Variants in CTNNA2 observed in about 807,000 individuals in gnomAD.
CTNNA2 encodes the protein catenin alpha-2.
A neutral mutation model predicts 101.0 loss-of-function variants in CTNNA2; 42 were observed. That is an observed-to-expected ratio of 0.42 (90% CI 0.32 to 0.54). The LOEUF (loss-of-function observed/expected upper bound fraction) is 0.54. Among genes scored for constraint, CTNNA2 ranks in the 20% least tolerant of loss-of-function variants. The probability of loss-of-function intolerance (pLI) is 0.14; values close to 1 mark genes in which losing one functional copy is unlikely to be tolerated. For synonymous variants in CTNNA2, 450 were observed against 456.4 expected (o/e 0.99, Z 0.18); for missense variants, 871 against 1,223.1 (o/e 0.71, Z 4.29).
chr2:79,229,658 CT>C (rs1246117279), intron 2 of CTNNA2, among the ~76,000 whole-genome samples: 2 of 152,270 alleles, frequency 1.3e-5, no homozygotes, highest in East Asian at 3.9e-4. Flanking sequence ...GTGGAAGCAA[CT>C]TTGGAACTGG....
At chr2:79,912,071 A>G (rs1685840262) in intron 7 of CTNNA2, among the ~76,000 whole-genome samples, 1 of 152,222 alleles carries the variant, frequency 6.6e-6, no homozygotes, top group Non-Finnish European at 1.5e-5. Flanking sequence ...TCTGAGAATA[A>G]AGGTATTATC....
intron 2 of CTNNA2, among the ~76,000 whole-genome samples, chr2:79,207,336 G>A (rs990947824): frequency 6.6e-6 from 1 of 152,112 alleles, no homozygotes; most frequent in African/African-American, 2.4e-5. Context: ...AGTCCAGTAG[G>A]AGACCACCAC....
intron 7 of CTNNA2, among the ~76,000 whole-genome samples, chr2:79,988,557 A>C (rs1420739229): frequency 6.6e-6 from 1 of 152,122 alleles, no homozygotes; most frequent in East Asian, 1.9e-4. Flanking sequence ...TAAGAACTCC[A>C]CATCTATATT....
intron 13 of CTNNA2, chr2:80,579,364 G>A (rs1695335970): frequency 6.6e-6 from 1 of 152,054 alleles, no homozygotes; most frequent in Non-Finnish European, 1.5e-5. Flanking sequence ...TATTTTTGTT[G>A]AATGAGATTT....
intron 2 of CTNNA2, among the ~76,000 whole-genome samples, chr2:79,672,549 G>A (rs540176823): frequency 2.6e-5 from 4 of 152,102 alleles, no homozygotes; most frequent in East Asian, 3.9e-4. Flanking sequence ...CAATTATCCT[G>A]TGGCCTTTTA....
At chr2:79,879,671 A>G (rs1453197466) in intron 6 of CTNNA2, among the ~76,000 whole-genome samples, 5 of 152,150 alleles carry the variant, frequency 3.3e-5, no homozygotes, top group African/African-American at 9.7e-5. Flanking sequence ...TTGATTTTGT[A>G]TCCTGAGACT....
intron 1 of CTNNA2, among the ~76,000 whole-genome samples, chr2:79,646,734 G>T (rs1408372313): frequency 6.6e-6 from 1 of 151,856 alleles, no homozygotes; most frequent in Non-Finnish European, 1.5e-5. Context: ...TCACTATGTT[G>T]TCCAGGCTGG....
chr2:79,470,596 T>TACCAAATACTGGAG (rs1336641759), intron 4 of CTNNA2, among the ~76,000 whole-genome samples: 4 of 152,196 alleles, frequency 2.6e-5, no homozygotes, highest in African/African-American at 9.6e-5. Flanking sequence ...TGGTAATAAT[T>TACCAAATACTGGAG]ACCAAATACT....
intron 2 of CTNNA2, among the ~76,000 whole-genome samples, chr2:79,667,568 T>G (rs1005655963): frequency 6.6e-6 from 1 of 152,232 alleles, no homozygotes; most frequent in Non-Finnish European, 1.5e-5. Context: ...TAACACAATC[T>G]GGTAGGAATG....
chr2:80,075,332 A>T (rs531926216), intron 7 of CTNNA2, among the ~76,000 whole-genome samples: 27 of 152,056 alleles, frequency 1.8e-4, no homozygotes, highest in South Asian at 6.2e-4. Context: ...AGTTAGCTGT[A>T]CCTGAATTCT....
chr2:80,375,163 C>G (rs2149339692), intron 7 of CTNNA2, among the ~76,000 whole-genome samples: 1 of 152,220 alleles, frequency 6.6e-6, no homozygotes, highest in Non-Finnish European at 1.5e-5. Flanking sequence ...GAAGTTCTTT[C>G]TTTGTTTTCC....
chr2:80,601,016 GA>G (rs1315473150), intron 15 of CTNNA2, among the ~76,000 whole-genome samples: 2 of 152,102 alleles, frequency 1.3e-5, no homozygotes, highest in East Asian at 3.9e-4. Context: ...GTCTACAGGG[GA>G]AAAAGCCCTG....
chr2:80,138,003 G>T (rs191635485), intron 7 of CTNNA2, among the ~76,000 whole-genome samples: 1 of 152,114 alleles, frequency 6.6e-6, no homozygotes, highest in Non-Finnish European at 1.5e-5. Flanking sequence ...ACTCAGTTTT[G>T]TGTCAATTTT....
At chr2:80,524,824 T>C (rs563085431) in intron 9 of CTNNA2, among the ~76,000 whole-genome samples, 1 of 152,318 alleles carries the variant, frequency 6.6e-6, no homozygotes, top group South Asian at 2.1e-4. Context: ...GTGGTCCCAC[T>C]CTGACAAGCA....
intron 7 of CTNNA2, among the ~76,000 whole-genome samples, chr2:80,312,541 A>G (rs1442192549): frequency 6.6e-6 from 1 of 152,220 alleles, no homozygotes; most frequent in Non-Finnish European, 1.5e-5. Context: ...CTGAAACTAG[A>G]AGCAAGTGGG....
chr2:80,009,664 T>C (rs1467190090), intron 7 of CTNNA2, among the ~76,000 whole-genome samples: 2 of 152,032 alleles, frequency 1.3e-5, no homozygotes, highest in African/African-American at 2.4e-5. Context: ...AAAGGTATCA[T>C]TCATCCTGAG....
chr2:79,978,375 T>G (rs1227666310), intron 7 of CTNNA2, among the ~76,000 whole-genome samples: 2 of 152,108 alleles, frequency 1.3e-5, no homozygotes, highest in Non-Finnish European at 2.9e-5. Flanking sequence ...TTAAGCCTTG[T>G]TCATCTGTCA....
intron 7 of CTNNA2, among the ~76,000 whole-genome samples, chr2:79,968,407 C>G (rs1690233902): frequency 6.6e-6 from 1 of 152,066 alleles, no homozygotes. Flanking sequence ...AGGCTGAGTG[C>G]AGTGGTGGCT....
chr2:80,323,499 T>G (rs547428063), intron 7 of CTNNA2, among the ~76,000 whole-genome samples: 1 of 152,262 alleles, frequency 6.6e-6, no homozygotes, highest in African/African-American at 2.4e-5. Flanking sequence ...ATCTGTTGTG[T>G]GTCAGGCACT....
Sources: gnomAD v4.1 joint callset for allele counts (sites outside exome capture counted in the v4.1 genomes callset) on GRCh38, gnomAD v4.1.1 for gene constraint, MANE v1.5 for transcripts, NCBI Gene and HGNC (gene_info 2026-07-23, HGNC 2026-07-21) for gene names.